The following HMCN1 variants were observed in gnomAD, a reference collection of about 807,000 sequenced individuals.
HMCN1 encodes hemicentin-1.
HMCN1 carries 321 observed loss-of-function variants against 625.9 expected under a neutral mutation model. The ratio of observed to expected loss-of-function variants is 0.51; its 90% confidence interval spans 0.47 to 0.56. The LOEUF (loss-of-function observed/expected upper bound fraction) is 0.56, where lower values mean the gene tolerates loss of function less well. Among genes scored for constraint, HMCN1 ranks in the 20% least tolerant of loss-of-function variants. The probability of loss-of-function intolerance (pLI) is 0.00; values close to 1 mark genes in which losing one functional copy is unlikely to be tolerated. For synonymous variants in HMCN1, 2,425 were observed against 2,417.6 expected, an observed-to-expected ratio of 1.00 and a Z score of -0.09; for missense variants, 6,588 against 6,887.3, an observed-to-expected ratio of 0.96 and a Z score of 1.54.
intron 48 of HMCN1, among the ~76,000 whole-genome samples, chr1:186,063,504 A>T (rs925236914): frequency 7.5e-6 from 1 of 133,066 alleles, no homozygotes; most frequent in African/African-American, 3.1e-5. Context: ...GAAGGAAGGA[A>T]GGAAGGAAGG....
intron 1 of HMCN1, among the ~76,000 whole-genome samples, chr1:185,840,148 G>A (rs1661392107): frequency 6.6e-6 from 1 of 152,096 alleles, no homozygotes; most frequent in South Asian, 2.1e-4. Context: ...AATGGTGCTG[G>A]ACAGCAACAT....
chr1:185,962,814 T>C, intron 12 of HMCN1, 155 bp downstream of exon 12: 1 of 634,976 alleles, frequency 1.6e-6, no homozygotes, highest in African/African-American at 1.8e-5. Flanking sequence ...ATGTCAAAAA[T>C]AATATAAATG....
At chr1:186,117,141 G>A (rs956768103) in intron 76 of HMCN1, 26 bp downstream of exon 76, 1 of 1,611,946 alleles carries the variant, frequency 6.2e-7, no homozygotes. Context: ...AACATGGATT[G>A]AAACATGATA....
At chr1:185,745,369 C>T (rs1654319701) in intron 1 of HMCN1, among the ~76,000 whole-genome samples, 1 of 152,106 alleles carries the variant, frequency 6.6e-6, no homozygotes, top group South Asian at 2.1e-4. Context: ...TGGTGATAGA[C>T]TGTTTATCCT....
intron 46 of HMCN1, among the ~76,000 whole-genome samples, chr1:186,061,359 A>G (rs1382135725): frequency 7.9e-5 from 12 of 152,208 alleles, no homozygotes; most frequent in Middle Eastern, 3.4e-3. Flanking sequence ...ATCAGATCTT[A>G]TGGCAACTCA....
intron 1 of HMCN1, among the ~76,000 whole-genome samples, chr1:185,786,831 G>A (rs1055029567): frequency 6.6e-6 from 1 of 152,130 alleles, no homozygotes; most frequent in South Asian, 2.1e-4. Flanking sequence ...TGTGGTTAGT[G>A]TCATCATATC....
intron 36 of HMCN1, among the ~76,000 whole-genome samples, chr1:186,030,741 A>G (rs757769080): frequency 1.3e-5 from 2 of 151,776 alleles, no homozygotes; most frequent in Non-Finnish European, 2.9e-5. Flanking sequence ...AATATTTATT[A>G]TGTCATTTTT....
chr1:186,147,062 G>A (rs768682854), intron 93 of HMCN1, among the ~76,000 whole-genome samples: 2 of 152,060 alleles, frequency 1.3e-5, no homozygotes, highest in Non-Finnish European at 2.9e-5. Flanking sequence ...TGGCCTACCG[G>A]GCCTTGACTG....
intron 1 of HMCN1, among the ~76,000 whole-genome samples, chr1:185,812,798 A>T (rs906564175): frequency 2.0e-5 from 3 of 149,634 alleles, no homozygotes. Flanking sequence ...TATGTTTGCA[A>T]TCCCCCCCCA....
chr1:186,130,816 C>A, intron 85 of HMCN1, 119 bp downstream of exon 85: 1 of 925,560 alleles, frequency 1.1e-6, no homozygotes, highest in Non-Finnish European at 1.7e-6. Context: ...AAATCTGAAT[C>A]AAATAACTCC....
At chr1:186,003,905 G>C in intron 29 of HMCN1, 61 bp downstream of exon 29, 4 of 1,508,318 alleles carry the variant, frequency 2.7e-6, no homozygotes, top group Non-Finnish European at 3.7e-6. Flanking sequence ...TGTGAAAAAT[G>C]CATGTGGATT....
chr1:186,050,268 A>G (rs1045067421), intron 42 of HMCN1, among the ~76,000 whole-genome samples: 1 of 151,892 alleles, frequency 6.6e-6, no homozygotes, highest in African/African-American at 2.4e-5. Context: ...CCTGTGGACT[A>G]TGTGAAGCTG....
At chr1:185,820,464 T>C (rs891789532) in intron 1 of HMCN1, among the ~76,000 whole-genome samples, 2 of 152,124 alleles carry the variant, frequency 1.3e-5, no homozygotes, top group South Asian at 2.1e-4. Context: ...ATGTTTTTAG[T>C]TGGTAGAATA....
In HMCN1 at chr1:185,803,205, C is replaced by CAAAAAAAAAAAAAAAAAAAAAA; in HGVS notation, c.269-42803_269-42802insAAAAAAAAAAAAAAAAAAAAAA. On this transcript the variant is annotated intron_variant, in intron 1 of 106. Transcript: ENST00000271588. ...AGCAGAACCAAAAAAAAAAAAAAAGCAAAAAAAAAAAAAAAAAACAAAACA... is the reference window on the plus strand; with the variant it reads ...AGCAGAACCAAAAAAAAAAAAAAAGCAAAAAAAAAAAAAAAAAAAAAAAAAAAAAAAAAAAAAAAACAAAACA... 9.9e-4 allele frequency among the ~76,000 whole-genome samples: 58 copies of CAAAAAAAAAAAAAAAAAAAAAA among 58,768 alleles called. 1 individual carries two copies. The highest frequency in any genetic ancestry group is 1.7e-3 in the Non-Finnish European group (41 of 23,922). 38.6% of individuals were successfully genotyped at this position (58,768 alleles called of 152,430 possible). A position where few individuals can be genotyped will look rare whatever the true frequency, so the allele number is the denominator to read the frequency against.
chr1:185,982,516 C>T, intron 18 of HMCN1, 127 bp downstream of exon 18: 4 of 843,288 alleles, frequency 4.7e-6, no homozygotes, highest in Non-Finnish European at 7.5e-6. Context: ...TCTAGGCTCA[C>T]CGCAACCTCT....
chr1:185,833,147 A>G (rs530172911), intron 1 of HMCN1, among the ~76,000 whole-genome samples: 9 of 152,322 alleles, frequency 5.9e-5, no homozygotes, highest in Admixed American at 5.9e-4. Context: ...GAAAAGGATT[A>G]TGTCTTTTTC....
chr1:186,001,176 T>C (rs1192455107), intron 26 of HMCN1, 122 bp from the exon 27 acceptor site: 6 of 838,076 alleles, frequency 7.2e-6, no homozygotes, highest in Non-Finnish European at 7.6e-6. Context: ...TATGCTTAAA[T>C]ATGTCTAGCT....
intron 36 of HMCN1, among the ~76,000 whole-genome samples, chr1:186,035,688 A>G (rs1273362260): frequency 6.6e-6 from 1 of 152,088 alleles, no homozygotes; most frequent in East Asian, 1.9e-4. Flanking sequence ...TCCCATGTAG[A>G]TAGCTTTATA....
chr1:185,923,256 A>T (rs1349964126), intron 7 of HMCN1, 134 bp from the exon 8 acceptor site: 6 of 721,750 alleles, frequency 8.3e-6, no homozygotes, highest in Non-Finnish European at 1.4e-5. Context: ...TTATGTAGAA[A>T]CAATTCTGCA....
Sources: allele counts gnomAD v4.1 joint callset (sites outside exome capture counted in the v4.1 genomes callset), GRCh38; gene constraint gnomAD v4.1.1; transcripts MANE v1.5; gene names NCBI Gene and HGNC (gene_info 2026-07-23, HGNC 2026-07-21).